Variants in PRICKLE2 observed in about 807,000 individuals in gnomAD.
PRICKLE2 encodes prickle planar cell polarity protein 2, also known as prickle-like protein 2.
Under a neutral mutation model 81.4 loss-of-function variants are expected in PRICKLE2, and 21 were observed. That is an observed-to-expected ratio of 0.26 (90% confidence interval 0.18 to 0.37). The LOEUF (loss-of-function observed/expected upper bound fraction) is 0.37. Among genes scored for constraint, PRICKLE2 ranks in the 10% least tolerant of loss-of-function variants. The probability of loss-of-function intolerance (pLI) is 1.00; values close to 1 mark genes in which losing one functional copy is unlikely to be tolerated. For missense variants in PRICKLE2, 940 were observed against 1,109.0 expected (o/e 0.85, Z 2.16); for synonymous variants, 456 against 421.5 (o/e 1.08, Z -1.00).
chr3:64,242,950 A>T (rs1034545069), intron 2 of PRICKLE2, among the ~76,000 whole-genome samples: 1 of 152,256 alleles, frequency 6.6e-6, no homozygotes, highest in Non-Finnish European at 1.5e-5. Context: ...ACAGAGAATA[A>T]TTGTTTCTAT....
At chr3:64,252,524 T>G (rs1025383823) in intron 2 of PRICKLE2, among the ~76,000 whole-genome samples, 1 of 152,176 alleles carries the variant, frequency 6.6e-6, no homozygotes, top group African/African-American at 2.4e-5. Context: ...CTCTAAAAAG[T>G]GGTTTCCTCC....
chr3:64,215,661 T>A (rs770496592), intron 1 of PRICKLE2, among the ~76,000 whole-genome samples: 1 of 152,204 alleles, frequency 6.6e-6, no homozygotes, highest in Non-Finnish European at 1.5e-5. Flanking sequence ...AAATGTAGAA[T>A]GTGATTCAAC....
rs961233155 is a variant in PRICKLE2, at chr3:64,099,504, G to A, written c.2082C>T (p.Arg694=). Residue 694 remains arginine, a synonymous_variant, in exon 8 of 8, where the codon CGC becomes CGT. Coordinates refer to ENST00000638394, the MANE Select transcript of PRICKLE2 (RefSeq NM_198859.4). The surrounding 1 kb of genome is among the most constrained non-coding windows in gnomAD (Gnocchi z 4.3). ...PHRSRRSRRS[R]SDNALHLASE... is the part of the protein sequence containing the mutation. ...TGGCCAGGTGGAGGGCGTTGTCGGA[G>A]CGAGAGCGTCGGGAACGCCTGGACC... 1.1e-5 allele frequency: 17 copies of A among 1,598,648 alleles called. No homozygotes were observed. The highest frequency in any genetic ancestry group is 3.3e-4 in the Middle Eastern group (2 of 6,032).
At chr3:64,120,867 G>A (rs1394638489) in intron 7 of PRICKLE2, among the ~76,000 whole-genome samples, 1 of 152,184 alleles carries the variant, frequency 6.6e-6, no homozygotes, top group Non-Finnish European at 1.5e-5. Flanking sequence ...ACTATGCCGT[G>A]TCCTACTTCT....
At chr3:64,131,265 G>A (rs1024866988) in intron 7 of PRICKLE2, among the ~76,000 whole-genome samples, 1 of 152,176 alleles carries the variant, frequency 6.6e-6, no homozygotes. Context: ...TGAACTCCTG[G>A]ACCTCAGCCT....
intron 1 of PRICKLE2, among the ~76,000 whole-genome samples, chr3:64,219,875 C>A (rs1191014155): frequency 6.6e-6 from 1 of 152,196 alleles, no homozygotes; most frequent in African/African-American, 2.4e-5. Flanking sequence ...TACTTAACTT[C>A]CAGGAGTCCT....
intron 1 of PRICKLE2, among the ~76,000 whole-genome samples, chr3:64,214,021 T>C (rs1350418440): frequency 9.9e-5 from 15 of 152,198 alleles, no homozygotes; most frequent in Admixed American, 9.8e-4. Flanking sequence ...TGGCTGCTTA[T>C]TAATAACATT....
At chr3:64,218,624 C>T (rs1454504406) in intron 1 of PRICKLE2, among the ~76,000 whole-genome samples, 2 of 152,150 alleles carry the variant, frequency 1.3e-5, no homozygotes, top group Admixed American at 6.6e-5. Context: ...GAACACAGTG[C>T]CTGGCACGCA....
chr3:64,163,204 G>A (rs779280166), intron 2 of PRICKLE2, 75 bp from the exon 3 acceptor site: 59 of 885,668 alleles, frequency 6.7e-5, no homozygotes, highest in Non-Finnish European at 9.9e-5. Flanking sequence ...CTGGGAAGAT[G>A]ATTCCCCCAG....
intron 7 of PRICKLE2, among the ~76,000 whole-genome samples, chr3:64,128,195 G>A (rs531074033): frequency 4.6e-5 from 7 of 152,244 alleles, no homozygotes; most frequent in Admixed American, 1.3e-4. Context: ...TGCCCACAGC[G>A]GATTCAGAGG....
At chr3:64,240,916 AGAGGCTAGAGGAGCCTCT>A (rs2107170892) in intron 2 of PRICKLE2, among the ~76,000 whole-genome samples, 1 of 152,280 alleles carries the variant, frequency 6.6e-6, no homozygotes, top group South Asian at 2.1e-4. Flanking sequence ...GAGCAATGGC[AGAGGCTAGAGGAGCCTCT>A]GAGGGTCCAG....
At chr3:64,133,251 G>A (rs1260503596) in intron 7 of PRICKLE2, among the ~76,000 whole-genome samples, 1 of 152,186 alleles carries the variant, frequency 6.6e-6, no homozygotes, top group Non-Finnish European at 1.5e-5. Flanking sequence ...ATGGGTGACA[G>A]AGGACCTGGA....
At position 64,209,875 on chromosome 3, in the gene PRICKLE2, G is replaced by A. The variant is rs566732347; in HGVS notation, c.-40-10908C>T. 2.9e-4 allele frequency among the ~76,000 whole-genome samples: 44 copies of A among 152,300 alleles called. 1 individual carries two copies. Among genetic ancestry groups the A allele is most frequent in the African/African-American group, 9.1e-4 (38 of 41,576 alleles). On this transcript the variant is annotated intron_variant, in intron 1 of 7. Transcript: ENST00000638394. Reference sequence around the variant, plus strand: ...AGAGGAACTGAGGATGGGTGAGGACGGGCCTCCCACTGAAGTGACATTTGA... The same window carrying A: ...AGAGGAACTGAGGATGGGTGAGGACAGGCCTCCCACTGAAGTGACATTTGA...
At chr3:64,134,642 A>G (rs940837525) in intron 7 of PRICKLE2, among the ~76,000 whole-genome samples, 2 of 142,958 alleles carry the variant, frequency 1.4e-5, no homozygotes, top group African/African-American at 5.0e-5. Flanking sequence ...CCTGGGTGGG[A>G]AAAACCACCA....
At chr3:64,187,313 G>T (rs1044666132) in intron 2 of PRICKLE2, among the ~76,000 whole-genome samples, 1 of 152,230 alleles carries the variant, frequency 6.6e-6, no homozygotes, top group African/African-American at 2.4e-5. Flanking sequence ...CTGGAGCCAA[G>T]ATAAATACAG....
intron 2 of PRICKLE2, chr3:64,194,187 T>C (rs1481859754): frequency 6.6e-6 from 1 of 152,248 alleles, no homozygotes; most frequent in Non-Finnish European, 1.5e-5. Context: ...CATTTTGATT[T>C]AGTGAAGATG....
chr3:64,178,975 C>CTTTCTT (rs1241329910), intron 2 of PRICKLE2, among the ~76,000 whole-genome samples: 1 of 84,554 alleles, frequency 1.2e-5, no homozygotes, highest in South Asian at 3.8e-4. Context: ...TTCTTTCTTT[C>CTTTCTT]TTTCTTTCTT....
chr3:64,185,543 T>C (rs1161374766), intron 2 of PRICKLE2, among the ~76,000 whole-genome samples: 4 of 152,208 alleles, frequency 2.6e-5, no homozygotes, highest in African/African-American at 9.6e-5. Context: ...AGCCAGTCTG[T>C]GGAACTCATT....
In PRICKLE2 at chr3:64,098,471, G is replaced by GAAAAAAAAAAAAAAAAAAAAAAAAAAA. The variant is rs35195442; in HGVS notation, c.*579_*580insTTTTTTTTTTTTTTTTTTTTTTTTTTT. ...CACTGACATGTAACAAATTTGTATAGAAAAAAAAAAAAAAAAAAAAAAGGT... is the reference window on the plus strand; with the variant it reads ...CACTGACATGTAACAAATTTGTATAGAAAAAAAAAAAAAAAAAAAAAAAAAAAAAAAAAAAAAAAAAAAAAAAAAGGT... On this transcript the variant is annotated 3_prime_UTR_variant, in exon 8 of 8. Coordinates refer to ENST00000638394, the MANE Select transcript of PRICKLE2 (RefSeq NM_198859.4). 1 of 79,410 alleles carries GAAAAAAAAAAAAAAAAAAAAAAAAAAA rather than the reference G, an allele frequency of 1.3e-5. No individual in the cohort carries two copies. 4.9% of individuals were successfully genotyped at this position (79,410 alleles called of 1,614,324 possible). A position where few individuals can be genotyped will look rare whatever the true frequency, so the allele number is the denominator to read the frequency against.
Sources: allele counts gnomAD v4.1 joint callset (sites outside exome capture counted in the v4.1 genomes callset), GRCh38; gene constraint gnomAD v4.1.1; non-coding constraint Gnocchi (gnomAD v3.1); transcripts MANE v1.5; gene names NCBI Gene and HGNC (gene_info 2026-07-23, HGNC 2026-07-21).